SPSB1: variants seen among roughly 807,000 people sequenced by gnomAD.
SPSB1 encodes the protein splA/ryanodine receptor domain and SOCS box containing 1.
A neutral mutation model predicts 21.2 loss-of-function variants in SPSB1; 8 were observed. The observed-to-expected ratio is 0.38, with a 90% CI of 0.22 to 0.68. The LOEUF (loss-of-function observed/expected upper bound fraction) is 0.68. Ranked by LOEUF, SPSB1 falls within the 30% of genes least tolerant of loss-of-function variation. The probability of loss-of-function intolerance (pLI) is 0.53; values close to 1 mark genes in which losing one functional copy is unlikely to be tolerated. For synonymous variants in SPSB1, 169 were observed against 161.7 expected (o/e 1.05, Z -0.34); for missense variants, 242 against 377.8 (o/e 0.64, Z 2.98).
chr1:9,353,288 G>A (rs955143222), intron 1 of SPSB1, among the ~76,000 whole-genome samples: 2 of 151,996 alleles, frequency 1.3e-5, no homozygotes, highest in Non-Finnish European at 2.9e-5. Flanking sequence ...TTCAGGGAAG[G>A]CCACACCCGC....
At chr1:9,334,378 G>A (rs1028269877) in intron 1 of SPSB1, among the ~76,000 whole-genome samples, 2 of 152,100 alleles carry the variant, frequency 1.3e-5, no homozygotes, top group Non-Finnish European at 2.9e-5. Context: ...GAGCCACCGT[G>A]CCTGGTCAAT....
chr1:9,355,950 G>A lies in SPSB1; in HGVS notation c.59G>A (p.Arg20Lys). ...GTGGACATGAGGGACCCCACGTACA[G>A]GCCCCTGAAGCAGGAGCTCCAGGGT... Reference protein sequence around the residue: ...KTVDMRDPTYRPLKQELQGLD... With the variant: ...KTVDMRDPTYKPLKQELQGLD... The change falls in exon 2 of 3, where the codon AGG becomes AAG. Residue 20 changes from arginine (R) to lysine (K), a missense_variant. Arg to Lys is a conservative substitution (Grantham distance 26, BLOSUM62 2). Transcript: ENST00000328089. 1 of 1,613,056 alleles carries A rather than the reference G, an allele frequency of 6.2e-7. No individual in the cohort carries two copies. Among genetic ancestry groups the A allele is most frequent in the African/African-American group, 1.3e-5 (1 of 75,014 alleles).
intron 1 of SPSB1, among the ~76,000 whole-genome samples, chr1:9,295,757 A>G (rs1036509326): frequency 2.0e-5 from 3 of 152,084 alleles, no homozygotes; most frequent in African/African-American, 7.2e-5. Flanking sequence ...CTGCAGACGC[A>G]TTTTCAAATT....
At chr1:9,319,037 G>T (rs1041953920) in intron 1 of SPSB1, among the ~76,000 whole-genome samples, 8 of 152,026 alleles carry the variant, frequency 5.3e-5, no homozygotes, top group Non-Finnish European at 7.4e-5. Context: ...AATTAGCCGG[G>T]CATGGTGGCG....
chr1:9,340,852 G>A (rs374836513), intron 1 of SPSB1, among the ~76,000 whole-genome samples: 3 of 152,240 alleles, frequency 2.0e-5, no homozygotes, highest in Non-Finnish European at 4.4e-5. Flanking sequence ...CCAGCAAGGC[G>A]AGCACATGAA....
chr1:9,357,136 G>A (rs146313067), intron 2 of SPSB1, among the ~76,000 whole-genome samples: 72,311 of 149,520 alleles, frequency 0.48, 18,163 homozygotes, highest in East Asian at 0.59. Context: ...TGGATGAGTG[G>A]ATGGATGGAT....
intron 2 of SPSB1, among the ~76,000 whole-genome samples, chr1:9,360,889 A>G (rs1220655985): frequency 6.6e-6 from 1 of 152,214 alleles, no homozygotes; most frequent in Non-Finnish European, 1.5e-5. Flanking sequence ...GACCATCTCC[A>G]TGAGGCCTTC....
chr1:9,299,811 A>T lies in SPSB1; in HGVS notation c.-150+6740A>T, dbSNP rs577150004. Among the ~76,000 whole-genome samples, 517 of 149,656 alleles carry T rather than the reference A, an allele frequency of 3.5e-3. 2 individuals carry two copies. The highest frequency in any genetic ancestry group is 6.2e-3 in the Admixed American group (93 of 15,088). On this transcript the variant is annotated intron_variant, in intron 1 of 2. Coordinates refer to ENST00000328089, the MANE Select transcript of SPSB1 (RefSeq NM_025106.4). The stretch of plus-strand genomic sequence containing the variant: ...ATCTCTATAAATTTTTTTTTTTTTT[A>T]AATTAGCCAGGCATGATGGTGTGTG...
intron 1 of SPSB1, among the ~76,000 whole-genome samples, chr1:9,307,343 T>TCCA (rs948446249): frequency 1.3e-5 from 2 of 152,202 alleles, no homozygotes; most frequent in African/African-American, 4.8e-5. Flanking sequence ...TCTGTCTAGT[T>TCCA]CCAAACCATC....
At chr1:9,335,531 G>A (rs1224620288) in intron 1 of SPSB1, among the ~76,000 whole-genome samples, 7 of 148,416 alleles carry the variant, frequency 4.7e-5, no homozygotes, top group Non-Finnish European at 3.0e-5. Flanking sequence ...TTGTGGGGTC[G>A]GGTGCAGTGG....
At chr1:9,364,985 G>A (rs1014247396) in intron 2 of SPSB1, among the ~76,000 whole-genome samples, 8 of 152,126 alleles carry the variant, frequency 5.3e-5, no homozygotes, top group Non-Finnish European at 8.8e-5. Context: ...CCGAGTAGCC[G>A]GGACTACAGG....
intron 2 of SPSB1, among the ~76,000 whole-genome samples, chr1:9,358,766 C>A (rs897207514): frequency 3.3e-5 from 5 of 152,198 alleles, no homozygotes; most frequent in Non-Finnish European, 5.9e-5. Flanking sequence ...GAACATGCCC[C>A]CTGATGCTGT....
At chr1:9,347,485 G>A (rs1640181608) in intron 1 of SPSB1, among the ~76,000 whole-genome samples, 1 of 152,180 alleles carries the variant, frequency 6.6e-6, no homozygotes, top group Non-Finnish European at 1.5e-5. Context: ...ATTGTGAAAG[G>A]TTTGATGTTT....
At position 9,355,859 on chromosome 1, in the gene SPSB1, G is replaced by GGA; in HGVS notation, c.-31_-30dup. On this transcript the variant is annotated 5_prime_UTR_variant, in exon 2 of 3. The change creates a premature stop within an existing upstream ORF in the 5' untranslated region. Transcript: ENST00000328089. Reference sequence around the variant, plus strand: ...CCACGAGATTGATGAGTTTGCCTTGGGAGTCGGTAAGAAGGTGAAGCCAGG... The same window carrying GGA: ...CCACGAGATTGATGAGTTTGCCTTGGGAGAGTCGGTAAGAAGGTGAAGCCAGG... 1 of 1,521,096 alleles carries GGA rather than the reference G, an allele frequency of 6.6e-7. No individual in the cohort carries two copies. Among genetic ancestry groups the GGA allele is most frequent in the South Asian group, 1.3e-5 (1 of 76,412 alleles). 94.2% of individuals were successfully genotyped at this position (1,521,096 alleles called of 1,614,324 possible).
At chr1:9,327,447 G>A (rs3944982) in intron 1 of SPSB1, among the ~76,000 whole-genome samples, 35,307 of 152,042 alleles carry the variant, frequency 0.23, 4,938 homozygotes, top group East Asian at 0.46. Context: ...AGGGAAGGGG[G>A]TGTCATCGGG....
intron 1 of SPSB1, among the ~76,000 whole-genome samples, chr1:9,354,387 C>T (rs1189597373): frequency 1.3e-5 from 2 of 152,194 alleles, no homozygotes; most frequent in African/African-American, 4.8e-5. Context: ...GCCTGCCTTG[C>T]CCCTGGCCTA....
rs994038043 is a variant in SPSB1, at chr1:9,363,232, C to T, written c.695-4216C>T. On this transcript the variant is annotated intron_variant, in intron 2 of 2. Coordinates refer to ENST00000328089, the MANE Select transcript of SPSB1 (RefSeq NM_025106.4). This position sits in a 1 kb window ranked among gnomAD's most constrained non-coding sequence, Gnocchi z 4.5. ...GTTTCCTCCTGCAAGATCAAGGAGG[C>T]GTGACCTGTTTATGTACTTGAGGAC... 5.1e-4 allele frequency among the ~76,000 whole-genome samples: 78 copies of T among 152,300 alleles called. 1 individual carries two copies. Among genetic ancestry groups the T allele is most frequent in the Non-Finnish European group, 2.9e-4 (20 of 68,022 alleles).
intron 1 of SPSB1, among the ~76,000 whole-genome samples, chr1:9,328,541 T>C (rs1355205082): frequency 6.6e-6 from 1 of 152,208 alleles, no homozygotes; most frequent in Non-Finnish European, 1.5e-5. Flanking sequence ...CTTCGTTTTA[T>C]AAACAGGGAC....
intron 1 of SPSB1, among the ~76,000 whole-genome samples, chr1:9,320,578 G>A (rs1324892206): frequency 1.3e-5 from 2 of 152,230 alleles, no homozygotes; most frequent in African/African-American, 4.8e-5. Context: ...ATACACAGAG[G>A]AAGCACGCAG....
Sources: gnomAD v4.1 joint callset for allele counts (sites outside exome capture counted in the v4.1 genomes callset) on GRCh38, gnomAD v4.1.1 for gene constraint, Gnocchi (gnomAD v3.1) non-coding constraint, MANE v1.5 for transcripts, NCBI Gene and HGNC (gene_info 2026-07-23, HGNC 2026-07-21) for gene names.